The following DIP2B variants were observed in gnomAD, a reference collection of about 807,000 sequenced individuals.
DIP2B encodes disco-interacting protein 2 homolog B.
Under a neutral mutation model 198.0 loss-of-function variants are expected in DIP2B, and 76 were observed. The ratio of observed to expected loss-of-function variants is 0.38; its 90% confidence interval spans 0.32 to 0.46. The LOEUF (loss-of-function observed/expected upper bound fraction) is 0.46, where lower values mean the gene tolerates loss of function less well. Ranked by LOEUF, DIP2B falls within the 20% of genes least tolerant of loss-of-function variation. DIP2B has a pLI of 0.99. For missense variants in DIP2B, 1,559 were observed against 1,978.4 expected, an observed-to-expected ratio of 0.79 and a Z score of 4.02; for synonymous variants, 701 against 739.1, an observed-to-expected ratio of 0.95 and a Z score of 0.84.
At chr12:50,618,225 G>A (rs1322108560) in intron 1 of DIP2B, among the ~76,000 whole-genome samples, 1 of 152,198 alleles carries the variant, frequency 6.6e-6, no homozygotes, top group Non-Finnish European at 1.5e-5. Context: ...GTGTTATATA[G>A]TGCCATTTTT....
intron 25 of DIP2B, among the ~76,000 whole-genome samples, chr12:50,719,806 A>G (rs1939800058): frequency 6.6e-6 from 1 of 151,330 alleles, no homozygotes; most frequent in Admixed American, 6.6e-5. Context: ...GCGCCATTGC[A>G]CTCCAGCCTG....
chr12:50,563,704 C>T (rs1958539841), intron 1 of DIP2B, among the ~76,000 whole-genome samples: 2 of 151,900 alleles, frequency 1.3e-5, no homozygotes, highest in Admixed American at 1.3e-4. Context: ...CTATATTGCC[C>T]AGGCTGCTCT....
intron 2 of DIP2B, among the ~76,000 whole-genome samples, chr12:50,640,333 T>G (rs940432472): frequency 1.3e-5 from 2 of 152,092 alleles, no homozygotes; most frequent in African/African-American, 4.8e-5. Flanking sequence ...TGTTTTTGCT[T>G]GTATTATGTT....
At chr12:50,589,138 C>A (rs1256693731) in intron 1 of DIP2B, among the ~76,000 whole-genome samples, 3 of 151,536 alleles carry the variant, frequency 2.0e-5, no homozygotes, top group Admixed American at 1.3e-4. Context: ...GAGCCAAGAT[C>A]GCGCCACTGC....
At chr12:50,721,248 C>T (rs376492380) in intron 25 of DIP2B, 25 bp from the exon 26 acceptor site, 20 of 1,610,214 alleles carry the variant, frequency 1.2e-5, no homozygotes, top group East Asian at 8.9e-5. Context: ...AGCTTTGACC[C>T]GCTTATCCTT....
At chr12:50,597,914 T>C (rs1958892183) in intron 1 of DIP2B, among the ~76,000 whole-genome samples, 1 of 152,218 alleles carries the variant, frequency 6.6e-6, no homozygotes, top group South Asian at 2.1e-4. Context: ...TGAGCTGTTT[T>C]CAGTCTTTCA....
chr12:50,675,283 T>C (rs755866511), intron 6 of DIP2B, 46 bp from the exon 7 acceptor site: 1 of 1,597,452 alleles, frequency 6.3e-7, no homozygotes, highest in Admixed American at 1.7e-5. Flanking sequence ...AACTAAAATA[T>C]CCTTACAGTC....
At chr12:50,684,541 C>T (rs1939101181) in intron 10 of DIP2B, among the ~76,000 whole-genome samples, 1 of 152,114 alleles carries the variant, frequency 6.6e-6, no homozygotes, top group Non-Finnish European at 1.5e-5. Context: ...CCTGTAATCC[C>T]AGCACTTTGG....
chr12:50,618,689 C>G (rs929212172), intron 1 of DIP2B, among the ~76,000 whole-genome samples: 1 of 152,198 alleles, frequency 6.6e-6, no homozygotes, highest in Non-Finnish European at 1.5e-5. Context: ...GCTTAAACTT[C>G]TGTGCCTCAC....
At chr12:50,712,028 G>A (rs569121922) in intron 22 of DIP2B, among the ~76,000 whole-genome samples, 2 of 152,200 alleles carry the variant, frequency 1.3e-5, no homozygotes, top group East Asian at 3.9e-4. Flanking sequence ...AAATAAATTA[G>A]CTAGACGCCA....
intron 1 of DIP2B, among the ~76,000 whole-genome samples, chr12:50,510,919 AC>A: frequency 6.6e-6 from 1 of 150,604 alleles, no homozygotes; most frequent in South Asian, 2.1e-4. Context: ...TGCTGGGATT[AC>A]AGGCATGAGC....
At chr12:50,571,141 C>A in intron 1 of DIP2B, among the ~76,000 whole-genome samples, 1 of 147,972 alleles carries the variant, frequency 6.8e-6, no homozygotes, top group Admixed American at 6.7e-5. Context: ...GGGAAGGTCT[C>A]AAAGAGAATA....
intron 1 of DIP2B, among the ~76,000 whole-genome samples, chr12:50,593,288 C>T (rs530302678): frequency 1.2e-4 from 18 of 152,156 alleles, no homozygotes; most frequent in South Asian, 2.1e-4. Flanking sequence ...GGGCGGATCA[C>T]GAGGTCAAGA....
At chr12:50,743,672 TGACTA>T (rs921556125) in intron 37 of DIP2B, 3 of 152,220 alleles carry the variant, frequency 2.0e-5, no homozygotes, top group Non-Finnish European at 4.4e-5. Context: ...CTACTGCACT[TGACTA>T]GTCTAAAAAA....
At chr12:50,715,647 C>T (rs1295485841) in intron 23 of DIP2B, among the ~76,000 whole-genome samples, 2 of 152,204 alleles carry the variant, frequency 1.3e-5, no homozygotes, top group Admixed American at 6.5e-5. Flanking sequence ...CCCCAGGGCT[C>T]ATTAGGCTCC....
intron 3 of DIP2B, among the ~76,000 whole-genome samples, chr12:50,652,989 G>A (rs2139502703): frequency 6.6e-6 from 1 of 151,486 alleles, no homozygotes; most frequent in South Asian, 2.1e-4. Context: ...TGTTGCCTAG[G>A]CTGGAGTGCA....
chr12:50,618,730 GATA>G (rs1937748588), intron 1 of DIP2B, among the ~76,000 whole-genome samples: 1 of 152,180 alleles, frequency 6.6e-6, no homozygotes, highest in Non-Finnish European at 1.5e-5. Flanking sequence ...GAAAAATGAT[GATA>G]ATATCACCTG....
chr12:50,733,049 G>A (rs1262214614), intron 32 of DIP2B, among the ~76,000 whole-genome samples: 1 of 151,820 alleles, frequency 6.6e-6, no homozygotes. Flanking sequence ...GGGATTACAG[G>A]CGTGTACCAC....
chr12:50,652,103 G>A (rs999312537), intron 3 of DIP2B, among the ~76,000 whole-genome samples: 1 of 151,802 alleles, frequency 6.6e-6, no homozygotes, highest in Non-Finnish European at 1.5e-5. Flanking sequence ...CACGAAGTCA[G>A]GAATTTGAGA....
Sources: gnomAD v4.1 joint callset for allele counts (sites outside exome capture counted in the v4.1 genomes callset) on GRCh38, gnomAD v4.1.1 for gene constraint, MANE v1.5 for transcripts, NCBI Gene and HGNC (gene_info 2026-07-23, HGNC 2026-07-21) for gene names.